ATP2B2: variants seen among roughly 807,000 people sequenced by gnomAD.
The protein encoded by ATP2B2 is plasma membrane calcium-transporting ATPase 2.
ATP2B2 carries 15 observed loss-of-function variants against 120.0 expected under a neutral mutation model. The observed-to-expected ratio is 0.12, with a 90% CI of 0.08 to 0.19. The LOEUF (loss-of-function observed/expected upper bound fraction) is 0.19. Ranked by LOEUF, ATP2B2 falls within the 10% of genes least tolerant of loss-of-function variation. The pLI, the probability that ATP2B2 is intolerant of heterozygous loss-of-function variation, is 1.00. For synonymous variants in ATP2B2, 694 were observed against 700.3 expected (o/e 0.99, Z 0.14); for missense variants, 1,045 against 1,719.8 (o/e 0.61, Z 6.94).
At chr3:10,644,333 C>T (rs1345808327) in intron 1 of ATP2B2, among the ~76,000 whole-genome samples, 1 of 152,156 alleles carries the variant, frequency 6.6e-6, no homozygotes, top group African/African-American at 2.4e-5. Context: ...ATGGTAGCTG[C>T]TAAGGAAAAC....
At chr3:10,521,326 T>G (rs891394021) in intron 3 of ATP2B2, among the ~76,000 whole-genome samples, 1 of 152,250 alleles carries the variant, frequency 6.6e-6, no homozygotes, top group Non-Finnish European at 1.5e-5. Context: ...ATCAGTCAAG[T>G]AACAGTGAAG....
chr3:10,605,789 C>CA (rs990805211), intron 2 of ATP2B2, among the ~76,000 whole-genome samples: 8 of 152,240 alleles, frequency 5.3e-5, no homozygotes, highest in African/African-American at 1.9e-4. Context: ...GCTGGGACTA[C>CA]AGGCATGCAT....
At chr3:10,526,900 T>G (rs936625237) in intron 3 of ATP2B2, among the ~76,000 whole-genome samples, 1 of 152,170 alleles carries the variant, frequency 6.6e-6, no homozygotes, top group Non-Finnish European at 1.5e-5. Flanking sequence ...AGCTCCCAAT[T>G]TAAGTATAAG....
intron 2 of ATP2B2, among the ~76,000 whole-genome samples, chr3:10,550,875 C>T (rs576506576): frequency 4.4e-4 from 67 of 152,286 alleles, no homozygotes; most frequent in African/African-American, 1.5e-3. Flanking sequence ...TATGCACGGT[C>T]GCCAAGGCCT....
rs1228960002 is a variant in ATP2B2 at position 10,347,194 on chromosome 3, T to C, written c.2405-1057A>G. On this transcript the variant is annotated intron_variant, in intron 16 of 22. Transcript: ENST00000360273. The surrounding 1 kb of genome is among the most constrained non-coding windows in gnomAD (Gnocchi z 5.2). ...TGACCTCTTCTCTTCTCTCATCCCCTGGCCACCCCCAATCTGTGCTTACGG... is the reference window on the plus strand; with the variant it reads ...TGACCTCTTCTCTTCTCTCATCCCCCGGCCACCCCCAATCTGTGCTTACGG... Among the ~76,000 whole-genome samples the C allele has an allele frequency of 6.6e-6, 1 of 152,168 alleles. No individual in the cohort carries two copies. The highest frequency in any genetic ancestry group is 1.5e-5 in the Non-Finnish European group (1 of 68,032).
Position 10,329,808 on chromosome 3 carries a change from C to T in ATP2B2, c.3421-683G>A, listed in dbSNP as rs1007582890. On this transcript the variant is annotated intron_variant, in intron 22 of 22. Transcript: ENST00000360273. This position sits in a 1 kb window ranked among gnomAD's most constrained non-coding sequence, Gnocchi z 5.9. ...TGGGAGCTGGCGGACAGATGACATTCGGGGGCGGGCTGCATGCCACGGGGA... is the reference window on the plus strand; with the variant it reads ...TGGGAGCTGGCGGACAGATGACATTTGGGGGCGGGCTGCATGCCACGGGGA... Among the ~76,000 whole-genome samples, 3 of 152,122 alleles carry T rather than the reference C, an allele frequency of 2.0e-5. No individual in the cohort carries two copies. The highest frequency in any genetic ancestry group is 2.9e-5 in the Non-Finnish European group (2 of 68,018).
chr3:10,331,424 T>C (rs1195870529), intron 22 of ATP2B2, among the ~76,000 whole-genome samples: 1 of 152,158 alleles, frequency 6.6e-6, no homozygotes, highest in Non-Finnish European at 1.5e-5. Flanking sequence ...GAACACCTAG[T>C]GTATGTGTGG....
intron 1 of ATP2B2, among the ~76,000 whole-genome samples, chr3:10,659,164 T>G (rs1257695709): frequency 5.3e-5 from 8 of 152,294 alleles, no homozygotes; most frequent in East Asian, 3.9e-4. Context: ...AGACCATCGA[T>G]GCTAGGAAGA....
At chr3:10,610,430 C>T (rs576558522) in intron 2 of ATP2B2, among the ~76,000 whole-genome samples, 2 of 152,126 alleles carry the variant, frequency 1.3e-5, no homozygotes, top group African/African-American at 4.8e-5. Flanking sequence ...GTCATGCCTT[C>T]GAGGCGGCAT....
At position 10,352,907 on chromosome 3, in the gene ATP2B2, C is replaced by T. The variant is rs75808165; in HGVS notation, c.2137-2330G>A. On this transcript the variant is annotated intron_variant, in intron 14 of 22. Coordinates refer to ENST00000360273, the MANE Select transcript of ATP2B2 (RefSeq NM_001001331.4). ...ATTTAGGTTCTTGGTTTCAAAGACG[C>T]TGGAGGACTTGGAGTTGGAAAGGGT... 2.8e-3 allele frequency among the ~76,000 whole-genome samples: 428 copies of T among 152,312 alleles called. 2 individuals are homozygous for T. Among genetic ancestry groups the T allele is most frequent in the African/African-American group, 0.01 (420 of 41,560 alleles).
At chr3:10,514,186 C>T (rs1256329696) in intron 3 of ATP2B2, among the ~76,000 whole-genome samples, 3 of 152,184 alleles carry the variant, frequency 2.0e-5, no homozygotes, top group African/African-American at 7.2e-5. Flanking sequence ...ACTCAGGCAG[C>T]TGGCTCCTTA....
chr3:10,400,743 C>T (rs2062190845), intron 5 of ATP2B2, among the ~76,000 whole-genome samples: 1 of 152,248 alleles, frequency 6.6e-6, no homozygotes, highest in Admixed American at 6.5e-5. Context: ...TCGCCGCAGT[C>T]TCCCCAGGGC....
intron 2 of ATP2B2, among the ~76,000 whole-genome samples, chr3:10,615,024 T>G (rs2069345976): frequency 6.6e-6 from 1 of 151,812 alleles, no homozygotes; most frequent in African/African-American, 2.4e-5. Flanking sequence ...ACCCTGTGAG[T>G]AGAGTGAGAA....
intron 1 of ATP2B2, among the ~76,000 whole-genome samples, chr3:10,698,961 T>C (rs1048012931): frequency 5.3e-5 from 8 of 152,248 alleles, no homozygotes; most frequent in African/African-American, 1.9e-4. Flanking sequence ...ACCCTTCACC[T>C]GTGGGATGGT....
chr3:10,518,950 C>G (rs979970291), intron 3 of ATP2B2, among the ~76,000 whole-genome samples: 2 of 152,240 alleles, frequency 1.3e-5, no homozygotes, highest in Non-Finnish European at 2.9e-5. Flanking sequence ...TGAAGATAAA[C>G]TGAGATATTC....
At chr3:10,376,488 C>T (rs775655985) in intron 10 of ATP2B2, among the ~76,000 whole-genome samples, 3 of 152,168 alleles carry the variant, frequency 2.0e-5, no homozygotes, top group Non-Finnish European at 4.4e-5. Context: ...CTTGCAGCCA[C>T]AGGCAAGAGA....
intron 8 of ATP2B2, among the ~76,000 whole-genome samples, chr3:10,381,258 A>G (rs1263913977): frequency 6.6e-6 from 1 of 152,224 alleles, no homozygotes; most frequent in Non-Finnish European, 1.5e-5. Context: ...AATTCTTTCT[A>G]CTGGATTAAA....
intron 1 of ATP2B2, among the ~76,000 whole-genome samples, chr3:10,621,616 C>T (rs893248646): frequency 6.6e-6 from 1 of 152,214 alleles, no homozygotes; most frequent in African/African-American, 2.4e-5. Flanking sequence ...CATGAGGCTG[C>T]GGCCATGTCA....
chr3:10,621,037 C>T (rs1336145893), intron 1 of ATP2B2, among the ~76,000 whole-genome samples: 1 of 152,218 alleles, frequency 6.6e-6, no homozygotes, highest in Non-Finnish European at 1.5e-5. Flanking sequence ...TGAGATGACA[C>T]CGGGCACTTG....
Sources: gnomAD v4.1 joint callset for allele counts (sites outside exome capture counted in the v4.1 genomes callset) on GRCh38, gnomAD v4.1.1 for gene constraint, Gnocchi (gnomAD v3.1) non-coding constraint, MANE v1.5 for transcripts, NCBI Gene and HGNC (gene_info 2026-07-23, HGNC 2026-07-21) for gene names.